DCC: variants seen among roughly 807,000 people sequenced by gnomAD.
DCC encodes the protein netrin receptor DCC.
In DCC, 58 loss-of-function variants were observed where a neutral mutation model predicts 172.5. The ratio of observed to expected loss-of-function variants is 0.34; its 90% CI spans 0.27 to 0.42. DCC has a LOEUF of 0.42. Among genes scored for constraint, DCC ranks in the 10% least tolerant of loss-of-function variants. DCC has a pLI of 1.00. For synonymous variants in DCC, 709 were observed against 644.5 expected, an observed-to-expected ratio of 1.10 and a Z score of -1.52; for missense variants, 1,740 against 1,791.0, an observed-to-expected ratio of 0.97 and a Z score of 0.51.
chr18:52,478,513 C>T (rs1295081448), intron 1 of DCC, among the ~76,000 whole-genome samples: 1 of 152,134 alleles, frequency 6.6e-6, no homozygotes, highest in African/African-American at 2.4e-5. Flanking sequence ...GCCATTCTGT[C>T]ATTGCTATAA....
intron 13 of DCC, among the ~76,000 whole-genome samples, chr18:53,315,348 T>A (rs1353075129): frequency 3.3e-5 from 5 of 152,224 alleles, no homozygotes; most frequent in African/African-American, 1.2e-4. Context: ...ACATTTTCTT[T>A]ATGCAGTCTA....
intron 1 of DCC, among the ~76,000 whole-genome samples, chr18:52,687,386 G>A (rs1479616406): frequency 6.7e-6 from 1 of 149,766 alleles, no homozygotes; most frequent in Non-Finnish European, 1.5e-5. Context: ...CCAGGTTCAA[G>A]CAATTCTCCT....
chr18:52,784,335 T>C (rs984918935), intron 2 of DCC, among the ~76,000 whole-genome samples: 1 of 152,134 alleles, frequency 6.6e-6, no homozygotes, highest in African/African-American at 2.4e-5. Flanking sequence ...GTACTTAGAT[T>C]CCTATCTTGG....
chr18:52,982,777 A>C (rs1329659910), intron 5 of DCC, among the ~76,000 whole-genome samples: 1 of 152,156 alleles, frequency 6.6e-6, no homozygotes, highest in Non-Finnish European at 1.5e-5. Context: ...AAGAGGGATA[A>C]TTTCCCTTCT....
intron 5 of DCC, among the ~76,000 whole-genome samples, chr18:52,998,298 C>T (rs1481893774): frequency 6.6e-6 from 1 of 151,988 alleles, no homozygotes; most frequent in African/African-American, 2.4e-5. Flanking sequence ...CCATCCTCAT[C>T]ATCTGGGGTT....
At chr18:52,919,582 T>G (rs942997266) in intron 3 of DCC, among the ~76,000 whole-genome samples, 1 of 151,908 alleles carries the variant, frequency 6.6e-6, no homozygotes, top group African/African-American at 2.4e-5. Flanking sequence ...AAGTCAAGAT[T>G]GGAGTAATCT....
chr18:53,173,866 C>G lies in DCC; in HGVS notation c.1419-5096C>G, dbSNP rs564121583. On this transcript the variant is annotated intron_variant, in intron 8 of 28. Coordinates refer to ENST00000442544, the MANE Select transcript of DCC (RefSeq NM_005215.4). ...TACAGAACTCTCCACCCCAAATCAA[C>G]AGAATATACATTTTTTTCAGCACCA... is the stretch of plus-strand genomic sequence containing the variant. Among the ~76,000 whole-genome samples the G allele has an allele frequency of 9.8e-3, 1,244 of 127,190 alleles. 11 individuals carry two copies. Among genetic ancestry groups the G allele is most frequent in the Non-Finnish European group, 0.015 (922 of 61,616 alleles). 83.4% of individuals were successfully genotyped at this position (127,190 alleles called of 152,430 possible).
chr18:52,510,770 T>C (rs1340440388), intron 1 of DCC, among the ~76,000 whole-genome samples: 1 of 152,202 alleles, frequency 6.6e-6, no homozygotes, highest in African/African-American at 2.4e-5. Context: ...GGAACACTAC[T>C]TCTGAGCGTG....
At chr18:52,351,789 T>A (rs923320408) in intron 1 of DCC, among the ~76,000 whole-genome samples, 1 of 152,212 alleles carries the variant, frequency 6.6e-6, no homozygotes, top group African/African-American at 2.4e-5. Context: ...TTTCTATGCA[T>A]TTTGTCCCTA....
intron 1 of DCC, among the ~76,000 whole-genome samples, chr18:52,479,045 G>A (rs1039666641): frequency 6.6e-6 from 1 of 152,128 alleles, no homozygotes; most frequent in Non-Finnish European, 1.5e-5. Flanking sequence ...CCACCTGAGA[G>A]GTATTATCTT....
At chr18:52,952,658 T>C (rs2040669779) in intron 5 of DCC, among the ~76,000 whole-genome samples, 1 of 152,216 alleles carries the variant, frequency 6.6e-6, no homozygotes, top group Admixed American at 6.5e-5. Context: ...AGAGCTAATT[T>C]ACTTCTTTAT....
At chr18:52,964,737 G>T (rs1366895740) in intron 5 of DCC, among the ~76,000 whole-genome samples, 1 of 152,100 alleles carries the variant, frequency 6.6e-6, no homozygotes, top group Non-Finnish European at 1.5e-5. Context: ...CACAAATGTA[G>T]TGGCTGAAAA....
chr18:52,655,978 G>GTATATATATATA (rs2035235981), intron 1 of DCC, among the ~76,000 whole-genome samples: 3 of 120,500 alleles, frequency 2.5e-5, no homozygotes, highest in African/African-American at 9.6e-5. Flanking sequence ...GTGTGTGTGT[G>GTATATATATATA]TGTGTGTGTA....
chr18:52,699,658 G>A (rs1599028733), intron 1 of DCC, among the ~76,000 whole-genome samples: 1 of 152,270 alleles, frequency 6.6e-6, no homozygotes, highest in Non-Finnish European at 1.5e-5. Context: ...TGCATTTGGT[G>A]GTAAGAAAGG....
intron 1 of DCC, among the ~76,000 whole-genome samples, chr18:52,551,806 A>AT (rs2032781219): frequency 6.6e-6 from 1 of 151,922 alleles, no homozygotes; most frequent in Non-Finnish European, 1.5e-5. Flanking sequence ...TAGAGGAGAG[A>AT]TGGAAAGAGG....
At chr18:53,385,387 CTGGA>C in intron 15 of DCC, among the ~76,000 whole-genome samples, 1 of 152,200 alleles carries the variant, frequency 6.6e-6, no homozygotes, top group Non-Finnish European at 1.5e-5. Flanking sequence ...CTTGCCAGCT[CTGGA>C]TACAGACTGA....
At chr18:52,863,266 C>A (rs1022620364) in intron 2 of DCC, among the ~76,000 whole-genome samples, 1 of 151,882 alleles carries the variant, frequency 6.6e-6, no homozygotes, top group Non-Finnish European at 1.5e-5. Context: ...AGAATTGTTT[C>A]TCTTGTATCT....
chr18:52,991,158 T>C (rs2041383471), intron 5 of DCC, among the ~76,000 whole-genome samples: 1 of 152,176 alleles, frequency 6.6e-6, no homozygotes, highest in African/African-American at 2.4e-5. Flanking sequence ...AGATCCACAC[T>C]ATTCTGTTGT....
At chr18:52,543,304 T>C (rs1356084541) in intron 1 of DCC, among the ~76,000 whole-genome samples, 3 of 152,214 alleles carry the variant, frequency 2.0e-5, no homozygotes, top group African/African-American at 7.2e-5. Context: ...TAAATCAATA[T>C]ATAATTATTA....
Sources: allele counts gnomAD v4.1 joint callset (sites outside exome capture counted in the v4.1 genomes callset), GRCh38; gene constraint gnomAD v4.1.1; transcripts MANE v1.5; gene names NCBI Gene and HGNC (gene_info 2026-07-23, HGNC 2026-07-21).